The following PREX2 variants were observed in gnomAD, a reference collection of about 807,000 sequenced individuals.
PREX2 encodes phosphatidylinositol-3,4,5-trisphosphate dependent Rac exchange factor 2.
In PREX2, 107 loss-of-function variants were observed where a neutral mutation model predicts 203.2. The observed-to-expected ratio is 0.53, with a 90% confidence interval of 0.45 to 0.62. The LOEUF is 0.62. Among genes scored for constraint, PREX2 ranks in the 20% least tolerant of loss-of-function variants. The pLI is 0.00. For synonymous variants in PREX2, 672 were observed against 663.6 expected (o/e 1.01, Z -0.19); for missense variants, 1,777 against 1,955.9 (o/e 0.91, Z 1.72).
At chr8:68,000,745 G>A (rs13271727) in intron 1 of PREX2, among the ~76,000 whole-genome samples, 105,601 of 151,984 alleles carry the variant, frequency 0.69, 36,805 homozygotes, top group South Asian at 0.83. Context: ...TGGTACAAAA[G>A]CAGACACATA....
chr8:68,109,799 T>C (rs1222645405), intron 25 of PREX2, among the ~76,000 whole-genome samples, 176 bp downstream of exon 25: 1 of 152,180 alleles, frequency 6.6e-6, no homozygotes, highest in Non-Finnish European at 1.5e-5. Flanking sequence ...AAAAAATACA[T>C]ATAGGTATAT....
chr8:68,198,618 C>T (rs1013562250), intron 37 of PREX2, among the ~76,000 whole-genome samples: 1 of 152,188 alleles, frequency 6.6e-6, no homozygotes, highest in African/African-American at 2.4e-5. Context: ...CGTTATAAAG[C>T]CCGAAGCATG....
At chr8:67,966,637 A>G (rs1320198106) in intron 1 of PREX2, among the ~76,000 whole-genome samples, 1 of 152,134 alleles carries the variant, frequency 6.6e-6, no homozygotes, top group Non-Finnish European at 1.5e-5. Context: ...ACAACAACAA[A>G]AAGAAAATGC....
intron 37 of PREX2, among the ~76,000 whole-genome samples, chr8:68,212,608 T>C (rs1812760413): frequency 6.6e-6 from 1 of 152,242 alleles, no homozygotes; most frequent in Non-Finnish European, 1.5e-5. Context: ...ATAATTTTTG[T>C]TACTTTATGA....
chr8:68,207,391 G>A (rs1812650787), intron 37 of PREX2, among the ~76,000 whole-genome samples: 2 of 152,140 alleles, frequency 1.3e-5, no homozygotes, highest in African/African-American at 4.8e-5. Context: ...TACTTGGAAA[G>A]CACAGAGTAT....
intron 13 of PREX2, among the ~76,000 whole-genome samples, chr8:68,070,374 A>G (rs546236914): frequency 1.3e-5 from 2 of 152,090 alleles, no homozygotes; most frequent in Non-Finnish European, 2.9e-5. Flanking sequence ...GTTAATAAGT[A>G]TAATTTTATA....
intron 28 of PREX2, among the ~76,000 whole-genome samples, chr8:68,119,823 C>T (rs1412984817): frequency 6.6e-6 from 1 of 151,494 alleles, no homozygotes; most frequent in African/African-American, 2.4e-5. Context: ...ATTTCTTGCT[C>T]AATATTATTT....
At chr8:68,230,506 G>T (rs956530421) in intron 39 of PREX2, among the ~76,000 whole-genome samples, 3 of 152,126 alleles carry the variant, frequency 2.0e-5, no homozygotes, top group Non-Finnish European at 4.4e-5. Flanking sequence ...TAATGCATAT[G>T]GCCTTGAGAT....
At chr8:68,099,505 A>C (rs990631146) in intron 22 of PREX2, among the ~76,000 whole-genome samples, 177 bp from the exon 23 acceptor site, 5 of 152,188 alleles carry the variant, frequency 3.3e-5, no homozygotes, top group Non-Finnish European at 5.9e-5. Context: ...TGAAGGTAGA[A>C]ATTCCCTGGC....
At chr8:68,202,110 C>T (rs1164571365) in intron 37 of PREX2, among the ~76,000 whole-genome samples, 1 of 152,006 alleles carries the variant, frequency 6.6e-6, no homozygotes, top group Admixed American at 6.6e-5. Context: ...CCATCGTGGC[C>T]AGACGGGTCT....
At chr8:68,091,268 C>T (rs567276334) in intron 20 of PREX2, among the ~76,000 whole-genome samples, 4 of 152,130 alleles carry the variant, frequency 2.6e-5, no homozygotes, top group East Asian at 1.9e-4. Context: ...ATGTACTCGG[C>T]GTTATCTAAA....
chr8:68,177,999 A>G (rs890366233), intron 35 of PREX2, among the ~76,000 whole-genome samples: 1 of 152,158 alleles, frequency 6.6e-6, no homozygotes, highest in East Asian at 1.9e-4. Flanking sequence ...ATAGTATTCC[A>G]TGGTTTATAT....
In PREX2 at chr8:68,227,991, T is replaced by G. The variant is rs1813085320; in HGVS notation, c.4776-3342T>G. Reference sequence around the variant, plus strand: ...ATTAAGATGGATGAGAAATGCTTCATGCACACAAAGAGCTTGCAGCCTAGT... The same window carrying G: ...ATTAAGATGGATGAGAAATGCTTCAGGCACACAAAGAGCTTGCAGCCTAGT... On this transcript the variant is annotated intron_variant, in intron 39 of 39. Coordinates refer to ENST00000288368, the MANE Select transcript of PREX2 (RefSeq NM_024870.4). 2.0e-5 allele frequency among the ~76,000 whole-genome samples: 3 copies of G among 152,184 alleles called. No homozygotes were observed. The South Asian group carries it at 6.2e-4, about 32-fold the overall frequency.
At chr8:68,207,690 T>C (rs1271964140) in intron 37 of PREX2, among the ~76,000 whole-genome samples, 1 of 152,144 alleles carries the variant, frequency 6.6e-6, no homozygotes, top group Non-Finnish European at 1.5e-5. Context: ...ACACTGTGTG[T>C]TGTATATTAT....
At chr8:68,217,842 T>A (rs1235215973) in intron 38 of PREX2, 124 bp downstream of exon 38, 1 of 710,418 alleles carries the variant, frequency 1.4e-6, no homozygotes, top group Non-Finnish European at 2.5e-6. Context: ...GGCTCAGAGG[T>A]AACTCATGAA....
Position 68,128,862 on chromosome 8 carries a change from G to A in PREX2, c.3766+1443G>A, listed in dbSNP as rs139562855. On this transcript the variant is annotated intron_variant, in intron 31 of 39. Transcript: ENST00000288368. ...CCACTTTTCCAAAGTACCACACTTG[G>A]AAATTTTAAATTATGAATGGACCGA... Among the ~76,000 whole-genome samples, 1,308 of 152,306 alleles carry A rather than the reference G, an allele frequency of 8.6e-3. 4 individuals are homozygous for A. The highest frequency in any genetic ancestry group is 0.018 in the Admixed American group (279 of 15,284).
At chr8:68,027,849 A>T (rs1807771697) in intron 5 of PREX2, among the ~76,000 whole-genome samples, 2 of 152,078 alleles carry the variant, frequency 1.3e-5, no homozygotes. Context: ...CCTTTAGAAG[A>T]TGTAAAACAT....
rs1358711889 is a variant in PREX2 at position 68,232,348 on chromosome 8, A to C, written c.*970A>C. ...GATATATGTATAAGATATGAAAATAAGGCTTTATTTGTACTTTAAAAGGAC... is the reference window on the plus strand; with the variant it reads ...GATATATGTATAAGATATGAAAATACGGCTTTATTTGTACTTTAAAAGGAC... On this transcript the variant is annotated 3_prime_UTR_variant, in exon 40 of 40. Transcript: ENST00000288368. 6.6e-6 allele frequency: 1 copy of C among 151,524 alleles called. No homozygotes were observed. 9.4% of individuals were successfully genotyped at this position (151,524 alleles called of 1,614,324 possible).
chr8:68,138,536 A>T lies in PREX2; in HGVS notation c.4087+19A>T, dbSNP rs536810786. 7.9e-7 allele frequency: 1 copy of T among 1,268,758 alleles called. No individual in the cohort carries two copies. The highest frequency in any genetic ancestry group is 2.4e-5 in the East Asian group (1 of 42,438). 78.6% of individuals were successfully genotyped at this position (1,268,758 alleles called of 1,614,324 possible). ...GTTGCAAGTAAGTAATTAGGTATTT[A>T]CAAAATTTATTTGGCATCAAATAAT... On this transcript the variant is annotated intron_variant, in intron 33 of 39. Coordinates refer to ENST00000288368, the MANE Select transcript of PREX2 (RefSeq NM_024870.4).
Sources: allele counts gnomAD v4.1 joint callset (sites outside exome capture counted in the v4.1 genomes callset), GRCh38; gene constraint gnomAD v4.1.1; transcripts MANE v1.5; gene names NCBI Gene and HGNC (gene_info 2026-07-23, HGNC 2026-07-21).